HPD: variants seen among roughly 807,000 people sequenced by gnomAD.
HPD encodes 4-hydroxyphenylpyruvic acid oxidase.
In HPD, 35 loss-of-function variants were observed where a neutral mutation model predicts 56.9. The observed-to-expected ratio is 0.62, with a 90% CI of 0.47 to 0.82. HPD has a LOEUF of 0.82. Ranked by LOEUF, HPD falls within the 40% of genes least tolerant of loss-of-function variation. HPD has a pLI of 0.00. For missense variants in HPD, 442 were observed against 506.8 expected (o/e 0.87, Z 1.23); for synonymous variants, 186 against 200.2 (o/e 0.93, Z 0.60).
intron 7 of HPD, among the ~76,000 whole-genome samples, chr12:121,853,110 G>A (rs1877865770): frequency 6.6e-6 from 1 of 152,132 alleles, no homozygotes; most frequent in South Asian, 2.1e-4. Context: ...TCACTTAGAA[G>A]TGAGAGCTAA....
chr12:121,871,149 C>G, the HPD span, among the ~76,000 whole-genome samples: 1 of 151,926 alleles, frequency 6.6e-6, no homozygotes, highest in Non-Finnish European at 1.5e-5. Context: ...ATCGCTTGAG[C>G]CTAGGAATTC....
chr12:121,857,199 C>T, intron 4 of HPD, 129 bp downstream of exon 4: 1 of 692,688 alleles, frequency 1.4e-6, no homozygotes, highest in South Asian at 1.5e-5. Context: ...CCTGCCTCAG[C>T]CTCCTGAGTA....
At chr12:121,886,895 CTTTA>C in the HPD span, among the ~76,000 whole-genome samples, 1 of 151,952 alleles carries the variant, frequency 6.6e-6, no homozygotes, top group Non-Finnish European at 1.5e-5. Flanking sequence ...CCCTTTTTAA[CTTTA>C]TTATTTATTT....
chr12:121,851,585 C>T (rs1386582612), intron 7 of HPD, among the ~76,000 whole-genome samples: 1 of 151,712 alleles, frequency 6.6e-6, no homozygotes, highest in South Asian at 2.1e-4. Flanking sequence ...CTCAGGTGAT[C>T]CACCTGCCTC....
upstream of HPD, among the ~76,000 whole-genome samples, chr12:121,863,832 T>C (rs11043223): frequency 0.25 from 37,589 of 151,910 alleles, 5,998 homozygotes; most frequent in Middle Eastern, 0.38. Context: ...AAGCCCATTT[T>C]GGAAATTTGT....
At chr12:121,880,799 A>C in the HPD span, among the ~76,000 whole-genome samples, 1 of 151,760 alleles carries the variant, frequency 6.6e-6, no homozygotes, top group Non-Finnish European at 1.5e-5. Context: ...GCAGTATCTT[A>C]TTATTGTTAT....
the HPD span, among the ~76,000 whole-genome samples, chr12:121,877,502 C>G: frequency 6.6e-6 from 1 of 151,754 alleles, no homozygotes; most frequent in Non-Finnish European, 1.5e-5. Flanking sequence ...GAGGCAGAGG[C>G]AGGTGGATCA....
At chr12:121,865,040 G>A (rs112242958), upstream of HPD, among the ~76,000 whole-genome samples, 1 of 151,804 alleles carries the variant, frequency 6.6e-6, no homozygotes, top group South Asian at 2.1e-4. Context: ...GGCTGAGGTG[G>A]GTGGATCACT....
At chr12:121,847,241 T>C (rs936705100) in intron 9 of HPD, 27 bp from the exon 10 acceptor site, 2 of 1,612,706 alleles carry the variant, frequency 1.2e-6, no homozygotes, top group East Asian at 2.2e-5. Flanking sequence ...GGAACACATA[T>C]GCTCTGAGCG....
intron 7 of HPD, 27 bp downstream of exon 7, chr12:121,854,676 G>A (rs1419616090): frequency 9.3e-6 from 14 of 1,513,342 alleles, no homozygotes; most frequent in Non-Finnish European, 1.3e-5. Flanking sequence ...GACAGCAGGA[G>A]GGGTGGGGGC....
upstream of HPD, among the ~76,000 whole-genome samples, chr12:121,868,419 C>T (rs1878379805): frequency 6.6e-6 from 1 of 152,092 alleles, no homozygotes; most frequent in South Asian, 2.1e-4. Context: ...TCTCGGCTCA[C>T]TGGCCTCAAG....
intron 7 of HPD, 177 bp from the exon 8 acceptor site, chr12:121,849,967 T>G: frequency 1.5e-6 from 1 of 646,264 alleles, no homozygotes; most frequent in Admixed American, 2.1e-5. Context: ...TGTCACTTGT[T>G]TGAGAGTTTC....
intron 2 of HPD, 81 bp from the exon 3 acceptor site, chr12:121,857,900 A>C (rs1878065123): frequency 9.6e-7 from 1 of 1,041,208 alleles, no homozygotes. Flanking sequence ...TCCCCTAGCC[A>C]CCCTCCTTAT....
chr12:121,868,362 G>T (rs2137647587), upstream of HPD, among the ~76,000 whole-genome samples: 1 of 152,156 alleles, frequency 6.6e-6, no homozygotes, highest in South Asian at 2.1e-4. Flanking sequence ...TTTGTTTTTT[G>T]AGACGGAGTC....
At chr12:121,854,568 G>A (rs1252101421) in intron 7 of HPD, 135 bp downstream of exon 7, 16 of 766,566 alleles carry the variant, frequency 2.1e-5, no homozygotes, top group African/African-American at 1.0e-4. Flanking sequence ...CAGGCAATAC[G>A]GGGGACAGAC....
chr12:121,855,019 C>T (rs1877943546), intron 6 of HPD, among the ~76,000 whole-genome samples: 1 of 152,188 alleles, frequency 6.6e-6, no homozygotes, highest in Non-Finnish European at 1.5e-5. Context: ...GGGAGACAAA[C>T]TAGGTAGGGA....
chr12:121,855,139 C>A (rs1467218890), intron 6 of HPD, among the ~76,000 whole-genome samples: 2 of 152,212 alleles, frequency 1.3e-5, no homozygotes, highest in African/African-American at 4.8e-5. Context: ...TAAGAAGATT[C>A]ATGCATTTAT....
the HPD span, among the ~76,000 whole-genome samples, chr12:121,873,641 AC>A: frequency 6.6e-6 from 1 of 151,548 alleles, no homozygotes; most frequent in Non-Finnish European, 1.5e-5. Context: ...ACACCATGAA[AC>A]CCCATCTCTA....
intron 9 of HPD, among the ~76,000 whole-genome samples, chr12:121,848,671 T>G (rs1877662994): frequency 6.6e-6 from 1 of 152,116 alleles, no homozygotes; most frequent in Non-Finnish European, 1.5e-5. Flanking sequence ...GGCTGGAGTC[T>G]CACTCTGTCG....
Sources: gnomAD v4.1 joint callset for allele counts (sites outside exome capture counted in the v4.1 genomes callset) on GRCh38, gnomAD v4.1.1 for gene constraint, MANE v1.5 for transcripts, NCBI Gene and HGNC (gene_info 2026-07-23, HGNC 2026-07-21) for gene names.